TIAM2: variants seen among roughly 807,000 people sequenced by gnomAD.
TIAM2 encodes TIAM Rac1 associated GEF 2, also known as rho guanine nucleotide exchange factor TIAM2.
TIAM2 carries 80 observed loss-of-function variants against 152.9 expected under a neutral mutation model. That is an observed-to-expected ratio of 0.52 (90% CI 0.44 to 0.63). The LOEUF is 0.63. Among genes scored for constraint, TIAM2 ranks in the 30% least tolerant of loss-of-function variants. The probability of loss-of-function intolerance (pLI) is 0.00; values close to 1 mark genes in which losing one functional copy is unlikely to be tolerated. For synonymous variants in TIAM2, 804 were observed against 838.0 expected (o/e 0.96, Z 0.70); for missense variants, 1,965 against 2,120.1 (o/e 0.93, Z 1.44).
rs374527286 is a variant in TIAM2 at position 155,086,725 on chromosome 6, C to A, written c.-208-3564C>A. 5.1e-4 allele frequency among the ~76,000 whole-genome samples: 50 copies of A among 98,708 alleles called. 1 individual carries two copies. The highest frequency in any genetic ancestry group is 1.6e-3 in the South Asian group (5 of 3,046). 64.8% of individuals were successfully genotyped at this position (98,708 alleles called of 152,430 possible). On this transcript the variant is annotated intron_variant, in intron 1 of 26. Transcript: ENST00000682666. ...CCATCTTGGAAAAAAAAAAAAAAAA[C>A]CCCAACAAAAACCACCAAAATGACC...
At chr6:154,998,710 A>C (rs973404474) in intron 1 of TIAM2, among the ~76,000 whole-genome samples, 2 of 152,254 alleles carry the variant, frequency 1.3e-5, no homozygotes, top group Non-Finnish European at 2.9e-5. Flanking sequence ...AATAACTTTA[A>C]GGATAATATG....
chr6:155,077,074 T>C (rs570778754), intron 1 of TIAM2, among the ~76,000 whole-genome samples: 1 of 152,260 alleles, frequency 6.6e-6, no homozygotes, highest in Non-Finnish European at 1.5e-5. Context: ...TAACTCATGC[T>C]AATTTATCAG....
chr6:155,238,765 A>G (rs9478627), intron 15 of TIAM2, among the ~76,000 whole-genome samples: 22 of 152,312 alleles, frequency 1.4e-4, no homozygotes, highest in South Asian at 1.0e-3. Context: ...TTGATTCCAG[A>G]TTGCCTTAGG....
intron 4 of TIAM2, among the ~76,000 whole-genome samples, chr6:155,131,956 A>G (rs1779459636): frequency 6.6e-6 from 1 of 152,108 alleles, no homozygotes; most frequent in Non-Finnish European, 1.5e-5. Context: ...TGCATGTAAT[A>G]GAAAAATATA....
intron 9 of TIAM2, among the ~76,000 whole-genome samples, chr6:155,171,669 T>C (rs1396142529): frequency 6.6e-6 from 1 of 152,202 alleles, no homozygotes; most frequent in Non-Finnish European, 1.5e-5. Context: ...AGTATGGTAA[T>C]CTGTTTAGAG....
rs1007365372 is a variant in TIAM2 at position 155,089,607 on chromosome 6, G to A, written c.-208-682G>A. Among the ~76,000 whole-genome samples, 9 of 152,084 alleles carry A rather than the reference G, an allele frequency of 5.9e-5. No homozygotes were observed. In the East Asian group the frequency reaches 1.2e-3, roughly 20 times the overall value. On this transcript the variant is annotated intron_variant, in intron 1 of 26. Coordinates refer to ENST00000682666, the MANE Select transcript of TIAM2 (RefSeq NM_012454.4). ...ATGGCTCAAGACATGGTGTTTCTTC[G>A]CTGATCCCTCTGCCTGGGGGATCAT...
intron 15 of TIAM2, among the ~76,000 whole-genome samples, chr6:155,237,478 T>G (rs925166389): frequency 3.3e-5 from 5 of 152,250 alleles, no homozygotes; most frequent in African/African-American, 1.2e-4. Context: ...GGTGCCCCAG[T>G]AGGGACTCTG....
intron 1 of TIAM2, among the ~76,000 whole-genome samples, chr6:155,007,929 T>A (rs1778426327): frequency 1.3e-5 from 2 of 152,226 alleles, no homozygotes; most frequent in Non-Finnish European, 2.9e-5. Flanking sequence ...TCACTGAAGC[T>A]AAATTTTGAT....
intron 12 of TIAM2, among the ~76,000 whole-genome samples, chr6:155,181,315 C>T (rs955076792): frequency 2.8e-4 from 43 of 151,934 alleles, no homozygotes; most frequent in Non-Finnish European, 7.4e-5. Context: ...AGGGCAAGCA[C>T]CGTATTCATC....
chr6:155,199,962 C>A (rs1388904078), intron 14 of TIAM2, among the ~76,000 whole-genome samples: 1 of 152,210 alleles, frequency 6.6e-6, no homozygotes, highest in Non-Finnish European at 1.5e-5. Flanking sequence ...CCTCTGGTAG[C>A]TTGGACAAGG....
intron 6 of TIAM2, among the ~76,000 whole-genome samples, chr6:155,147,699 G>A (rs1219358677): frequency 6.6e-6 from 1 of 152,144 alleles, no homozygotes; most frequent in Non-Finnish European, 1.5e-5. Context: ...TGGCCAGGCT[G>A]GTCTCGAACT....
At chr6:155,196,762 T>C (rs991832629) in intron 14 of TIAM2, among the ~76,000 whole-genome samples, 4 of 152,238 alleles carry the variant, frequency 2.6e-5, no homozygotes, top group Non-Finnish European at 5.9e-5. Context: ...TCAGTTCCTT[T>C]CATTTCAGAC....
Position 155,042,689 on chromosome 6 carries a change from G to T in TIAM2, c.-209+47197G>T, listed in dbSNP as rs139971782. Among the ~76,000 whole-genome samples the T allele has an allele frequency of 4.6e-3, 704 of 152,236 alleles. 6 individuals carry two copies. The highest frequency in any genetic ancestry group is 0.015 in the African/African-American group (623 of 41,538). On this transcript the variant is annotated intron_variant, in intron 1 of 26. Transcript: ENST00000682666. ...TTGTATATATTTTATGGTGTACAACGTACTGTTTATACATATATATACATA... is the reference window on the plus strand; with the variant it reads ...TTGTATATATTTTATGGTGTACAACTTACTGTTTATACATATATATACATA...
intron 15 of TIAM2, among the ~76,000 whole-genome samples, chr6:155,215,981 T>A (rs1781848967): frequency 6.6e-6 from 1 of 151,946 alleles, no homozygotes; most frequent in African/African-American, 2.4e-5. Context: ...ATAATTTTGT[T>A]TATTTTTTGT....
rs76377531 is a variant in TIAM2, at chr6:155,130,198, G to T, written c.975G>T (p.Thr325=). The T allele has an allele frequency of 1.2e-6, 2 of 1,614,118 alleles. No homozygotes were observed. The highest frequency in any genetic ancestry group is 1.7e-5 in the Admixed American group (1 of 60,002). ...GCCTTTCTGATGAATACATGGGCAC[G>T]CATGCCAGCCTGAGCAACCGTGTCT... ...GIRLSDEYMG[T]HASLSNRVSF... The change falls in exon 4 of 27, where the codon ACG becomes ACT. Residue 325 remains threonine (T), a synonymous_variant. Transcript: ENST00000682666.
chr6:155,058,421 A>G (rs909534766), intron 1 of TIAM2, among the ~76,000 whole-genome samples: 2 of 152,222 alleles, frequency 1.3e-5, no homozygotes, highest in South Asian at 2.1e-4. Flanking sequence ...GGTAAAGGGA[A>G]GTAAATATTG....
chr6:155,137,416 A>G lies in TIAM2; in HGVS notation c.1434A>G (p.Thr478=), dbSNP rs968874275. 6.2e-7 allele frequency: 1 copy of G among 1,614,212 alleles called. No homozygotes were observed. The highest frequency in any genetic ancestry group is 1.6e-4 in the Middle Eastern group (1 of 6,062). ...MSRTNTENIE[T]STETAESSSE... ...GGACCAACACTGAGAACATAGAAAC[A>G]TCTACAGAAACCGCCGAGTCCAGCA... Residue 478 remains threonine, a synonymous_variant, in exon 5 of 27, where the codon ACA becomes ACG. Transcript: ENST00000682666.
chr6:155,225,533 T>C lies in TIAM2; in HGVS notation c.3168+14226T>C, dbSNP rs548755194. Among the ~76,000 whole-genome samples, 4 of 152,330 alleles carry C rather than the reference T, an allele frequency of 2.6e-5. No individual in the cohort carries two copies. In the South Asian group the frequency reaches 8.3e-4, roughly 32 times the overall value. ...CATTCTGTCACCCTCACTCTGTCTC[T>C]TCCATCTTTTTCTTGCCTGAGTGTC... On this transcript the variant is annotated intron_variant, in intron 15 of 26. Coordinates refer to ENST00000682666, the MANE Select transcript of TIAM2 (RefSeq NM_012454.4).
At chr6:155,120,106 A>G (rs530019905) in intron 2 of TIAM2, among the ~76,000 whole-genome samples, 34 of 152,298 alleles carry the variant, frequency 2.2e-4, no homozygotes, top group African/African-American at 7.5e-4. Flanking sequence ...TTGACTTACT[A>G]AGGTGATGAA....
Sources: allele counts gnomAD v4.1 joint callset (sites outside exome capture counted in the v4.1 genomes callset), GRCh38; gene constraint gnomAD v4.1.1; transcripts MANE v1.5; gene names NCBI Gene and HGNC (gene_info 2026-07-23, HGNC 2026-07-21).